The following TNR variants were observed in gnomAD, a reference collection of about 807,000 sequenced individuals.
TNR encodes tenascin R, also known as tenascin-R.
TNR carries 45 observed loss-of-function variants against 150.4 expected under a neutral mutation model. The ratio of observed to expected loss-of-function variants is 0.30; its 90% CI spans 0.24 to 0.38. TNR has a LOEUF of 0.38. TNR is among the 10% of genes least tolerant of loss of function. The pLI, the probability that TNR is intolerant of heterozygous loss-of-function variation, is 1.00. For synonymous variants in TNR, 687 were observed against 678.4 expected (o/e 1.01, Z -0.20); for missense variants, 1,544 against 1,759.1 (o/e 0.88, Z 2.19).
At position 175,553,479 on chromosome 1, in the gene TNR, C is replaced by A. The variant is rs545751481; in HGVS notation, c.-164-25110G>T. On this transcript the variant is annotated intron_variant, in intron 1 of 22. Transcript: ENST00000367674. Reference sequence around the variant, plus strand: ...CCACTGGGGCCCTAAAACCACTTCACAACTCTATCCACCACATCATCTTAG... The same window carrying A: ...CCACTGGGGCCCTAAAACCACTTCAAAACTCTATCCACCACATCATCTTAG... 6.6e-5 allele frequency among the ~76,000 whole-genome samples: 10 copies of A among 152,340 alleles called. No individual in the cohort carries two copies. The South Asian group carries it at 2.1e-3, about 32-fold the overall frequency.
intron 1 of TNR, among the ~76,000 whole-genome samples, chr1:175,584,492 A>T (rs542579058): frequency 1.4e-3 from 208 of 152,318 alleles, no homozygotes; most frequent in South Asian, 5.0e-3. Flanking sequence ...TGTTGTTTTT[A>T]GCCATCCAGT....
intron 1 of TNR, among the ~76,000 whole-genome samples, chr1:175,573,523 C>A (rs887367797): frequency 6.6e-6 from 1 of 152,236 alleles, no homozygotes; most frequent in South Asian, 2.1e-4. Flanking sequence ...GACAGCCCAA[C>A]AGGTGAGTTA....
intron 1 of TNR, among the ~76,000 whole-genome samples, chr1:175,741,427 G>T (rs756083292): frequency 6.6e-6 from 1 of 152,168 alleles, no homozygotes; most frequent in African/African-American, 2.4e-5. Flanking sequence ...TCCACTGCAA[G>T]GGCATAATTT....
chr1:175,672,863 T>A lies in TNR; in HGVS notation c.-165+70363A>T, dbSNP rs1019282799. 3.8e-4 allele frequency among the ~76,000 whole-genome samples: 58 copies of A among 152,342 alleles called. 1 individual carries two copies. Among genetic ancestry groups the A allele is most frequent in the Admixed American group, 3.0e-3 (46 of 15,302 alleles). On this transcript the variant is annotated intron_variant, in intron 1 of 22. Transcript: ENST00000367674. ...TACCTTCTGCAATGCTGCTTCCTGC[T>A]AGGTTCGTCACTACTCTTTTCCCCC...
At chr1:175,560,535 T>G (rs1019679432) in intron 1 of TNR, among the ~76,000 whole-genome samples, 2 of 152,252 alleles carry the variant, frequency 1.3e-5, no homozygotes, top group African/African-American at 2.4e-5. Context: ...TGGTGGAATA[T>G]GGAAATGGGA....
chr1:175,563,968 C>T (rs1475431590), intron 1 of TNR, among the ~76,000 whole-genome samples: 4 of 152,218 alleles, frequency 2.6e-5, no homozygotes, highest in African/African-American at 9.6e-5. Flanking sequence ...TTGCTTTCCT[C>T]CATCACTTCA....
At position 175,637,236 on chromosome 1, in the gene TNR, C is replaced by G. The variant is rs116661247; in HGVS notation, c.-165+105990G>C. Among the ~76,000 whole-genome samples the G allele has an allele frequency of 7.2e-3, 1,097 of 152,274 alleles. 13 individuals are homozygous for G. The highest frequency in any genetic ancestry group is 0.024 in the African/African-American group (988 of 41,550). On this transcript the variant is annotated intron_variant, in intron 1 of 22. Coordinates refer to ENST00000367674, the MANE Select transcript of TNR (RefSeq NM_003285.3). ...AGTTCTAATGATCCCTGATAAATAG[C>G]ATGCTAGAATATGATAACAGAGCAG...
chr1:175,339,462 C>A (rs1232704767), intron 18 of TNR, among the ~76,000 whole-genome samples: 2 of 152,220 alleles, frequency 1.3e-5, no homozygotes, highest in African/African-American at 2.4e-5. Context: ...CCACCTACCC[C>A]TAGAGGCTAC....
chr1:175,621,410 C>T (rs1189396964), intron 1 of TNR, among the ~76,000 whole-genome samples: 1 of 152,176 alleles, frequency 6.6e-6, no homozygotes, highest in Non-Finnish European at 1.5e-5. Context: ...TCTGACACCC[C>T]CACCACACTC....
intron 1 of TNR, among the ~76,000 whole-genome samples, chr1:175,728,766 C>G (rs1667547211): frequency 6.6e-6 from 1 of 152,168 alleles, no homozygotes; most frequent in East Asian, 1.9e-4. Flanking sequence ...AATATGGGAT[C>G]CTATACAGGG....
At chr1:175,372,524 T>C (rs1482591979) in intron 9 of TNR, among the ~76,000 whole-genome samples, 2 of 152,186 alleles carry the variant, frequency 1.3e-5, no homozygotes, top group African/African-American at 2.4e-5. Context: ...TAATGAGCAT[T>C]CATAGATTAA....
chr1:175,675,069 G>A (rs566148443), intron 1 of TNR, among the ~76,000 whole-genome samples: 1 of 152,260 alleles, frequency 6.6e-6, no homozygotes, highest in East Asian at 1.9e-4. Flanking sequence ...GTGAGGTGGG[G>A]ACTCTGACAT....
intron 1 of TNR, among the ~76,000 whole-genome samples, chr1:175,616,277 T>C (rs1663771243): frequency 6.6e-6 from 1 of 152,194 alleles, no homozygotes; most frequent in Non-Finnish European, 1.5e-5. Flanking sequence ...GCCTCCCCTC[T>C]ATAGCCCTCA....
chr1:175,527,545 T>C (rs1223555626), intron 2 of TNR, among the ~76,000 whole-genome samples: 2 of 152,158 alleles, frequency 1.3e-5, no homozygotes, highest in Non-Finnish European at 2.9e-5. Context: ...GGCTATATTA[T>C]TGTTTTGTGC....
intron 1 of TNR, among the ~76,000 whole-genome samples, chr1:175,711,997 A>G (rs1667031852): frequency 6.6e-6 from 1 of 152,188 alleles, no homozygotes; most frequent in Non-Finnish European, 1.5e-5. Flanking sequence ...GGTGCTGCAG[A>G]TAGAAATTTG....
rs556502011 is a variant in TNR at position 175,439,397 on chromosome 1, T to C, written c.-63-32620A>G. The stretch of plus-strand genomic sequence containing the variant: ...ATTCAAGATGGATTAAAGACTTAAA[T>C]GTTAGACCTAAAACCATAAAAACCC... On this transcript the variant is annotated intron_variant, in intron 2 of 22. Transcript: ENST00000367674. Among the ~76,000 whole-genome samples, 3 of 152,004 alleles carry C rather than the reference T, an allele frequency of 2.0e-5. No homozygotes were observed. In the South Asian group the frequency reaches 6.3e-4, roughly 32 times the overall value.
At chr1:175,648,351 T>A (rs1388405135) in intron 1 of TNR, among the ~76,000 whole-genome samples, 1 of 152,130 alleles carries the variant, frequency 6.6e-6, no homozygotes. Context: ...GAAGGCCCTA[T>A]GTGATACCAG....
At chr1:175,610,900 C>T (rs919208151) in intron 1 of TNR, among the ~76,000 whole-genome samples, 3 of 152,214 alleles carry the variant, frequency 2.0e-5, no homozygotes, top group African/African-American at 7.2e-5. Context: ...TTCTGTAGGG[C>T]CTACTATGCA....
intron 20 of TNR, among the ~76,000 whole-genome samples, chr1:175,334,709 C>A (rs1650142206): frequency 6.6e-6 from 1 of 152,174 alleles, no homozygotes; most frequent in Non-Finnish European, 1.5e-5. Flanking sequence ...TTGGCAGCAC[C>A]CATTCCCTAG....
Sources: allele counts gnomAD v4.1 joint callset (sites outside exome capture counted in the v4.1 genomes callset), GRCh38; gene constraint gnomAD v4.1.1; transcripts MANE v1.5; gene names NCBI Gene and HGNC (gene_info 2026-07-23, HGNC 2026-07-21).